PCYOX1: variants seen among roughly 807,000 people sequenced by gnomAD.
The protein encoded by PCYOX1 is prenylcysteine lyase.
PCYOX1 carries 46 observed loss-of-function variants against 46.4 expected under a neutral mutation model. The observed-to-expected ratio is 0.99, with a 90% CI of 0.78 to 1.27. The LOEUF (loss-of-function observed/expected upper bound fraction) is 1.27. PCYOX1 is among the 50% of genes most tolerant of loss of function. The pLI is 0.00. For missense variants in PCYOX1, 658 were observed against 628.3 expected, an observed-to-expected ratio of 1.05 and a Z score of -0.51; for synonymous variants, 220 against 231.8, an observed-to-expected ratio of 0.95 and a Z score of 0.46.
Position 70,277,578 on chromosome 2 carries a change from T to TA in PCYOX1, c.*187dup, listed in dbSNP as rs542806446. On this transcript the variant is annotated 3_prime_UTR_variant, in exon 6 of 6. Coordinates refer to ENST00000433351, the MANE Select transcript of PCYOX1 (RefSeq NM_016297.4). Reference sequence around the variant, plus strand: ...AGTGTGAAGGTATAGCTATTGCACTTATGCCATCTCCAAAATTTCTTAAGT... The same window carrying TA: ...AGTGTGAAGGTATAGCTATTGCACTTAATGCCATCTCCAAAATTTCTTAAGT... 1,984 of 517,908 alleles carry TA rather than the reference T, an allele frequency of 3.8e-3. 13 individuals carry two copies. The highest frequency in any genetic ancestry group is 0.032 in the Middle Eastern group (66 of 2,040). The allele number at this position is 517,908 out of a possible 1,614,324, so 32.1% of individuals were successfully genotyped here. A position where few individuals can be genotyped will look rare whatever the true frequency, so the allele number is the denominator to read the frequency against.
In PCYOX1 at chr2:70,278,530, A is replaced by C. The variant is rs1305811709; in HGVS notation, c.*1138A>C. 6.6e-6 allele frequency: 1 copy of C among 152,334 alleles called. No individual in the cohort carries two copies. The highest frequency in any genetic ancestry group is 1.5e-5 in the Non-Finnish European group (1 of 68,038). 9.4% of individuals were successfully genotyped at this position (152,334 alleles called of 1,614,324 possible). On this transcript the variant is annotated 3_prime_UTR_variant, in exon 6 of 6. Transcript: ENST00000433351. ...GCCTAACAGCAGAGGCAACTTAAAT[A>C]ACTCCTGAGCAGTTGGCACTAGAAC...
chr2:70,277,300 A>G lies in PCYOX1; in HGVS notation c.1426A>G (p.Asn476Asp). The G allele has an allele frequency of 1.2e-6, 2 of 1,613,548 alleles. No homozygotes were observed. The highest frequency in any genetic ancestry group is 1.7e-6 in the Non-Finnish European group (2 of 1,179,486). Reference sequence around the variant, plus strand: ...GGAGATGAGTGCCATTGCAGCCCACAACGCTGCACTCCTTGCCTATCACCG... The same window carrying G: ...GGAGATGAGTGCCATTGCAGCCCACGACGCTGCACTCCTTGCCTATCACCG... ...AMEMSAIAAH[N>D]AALLAYHRWN... The change falls in exon 6 of 6, where the codon AAC becomes GAC. Residue 476 changes from asparagine (N) to aspartate (D), a missense_variant. Transcript: ENST00000433351.
intron 1 of PCYOX1, 167 bp downstream of exon 1, chr2:70,258,443 G>C (rs1293829172): frequency 3.9e-6 from 2 of 515,530 alleles, no homozygotes; most frequent in Non-Finnish European, 6.8e-6. Context: ...GCGGCTTTCA[G>C]CTCTGGTCGG....
intron 3 of PCYOX1, among the ~76,000 whole-genome samples, chr2:70,264,992 A>G (rs985403092): frequency 1.3e-5 from 2 of 152,034 alleles, no homozygotes; most frequent in African/African-American, 2.4e-5. Flanking sequence ...AGAAAGACCT[A>G]TGTAACAGTA....
At chr2:70,263,767 C>A (rs949828123) in intron 3 of PCYOX1, among the ~76,000 whole-genome samples, 1 of 149,044 alleles carries the variant, frequency 6.7e-6, no homozygotes, top group Non-Finnish European at 1.5e-5. Flanking sequence ...TCAAGTGATT[C>A]TCCTGCCTCA....
In PCYOX1 at chr2:70,277,341, A is replaced by G. The variant is rs1311709006; in HGVS notation, c.1467A>G (p.Thr489=). 1.2e-6 allele frequency: 2 copies of G among 1,613,364 alleles called. No homozygotes were observed. Among genetic ancestry groups the G allele is most frequent in the African/African-American group, 2.7e-5 (2 of 74,934 alleles). ...CCTATCACCGCTGGAACGGGCACACAGACATGATTGATCAGGATGGCTTAT... is the reference window on the plus strand; with the variant it reads ...CCTATCACCGCTGGAACGGGCACACGGACATGATTGATCAGGATGGCTTAT... The part of the protein sequence containing the change: ...LLAYHRWNGH[T]DMIDQDGLYE... Residue 489 remains threonine, a synonymous_variant, in exon 6 of 6, where the codon ACA becomes ACG. Transcript: ENST00000433351.
At position 70,258,201 on chromosome 2, in the gene PCYOX1, C is replaced by G. The variant is rs1696375536; in HGVS notation, c.37C>G (p.Leu13Val). 1.3e-6 allele frequency: 2 copies of G among 1,599,612 alleles called. No homozygotes were observed. The highest frequency in any genetic ancestry group is 2.2e-5 in the South Asian group (2 of 90,656). Residue 13 changes from leucine (L) to valine (V), a missense_variant, in exon 1 of 6, where the codon CTG (leucine) becomes GTG (valine). Leu to Val is a conservative substitution (Grantham distance 32). Transcript: ENST00000433351. ...CGTCGCGGAGCTCGTCTCCTCGCTG[C>G]TGGGGTTGTGGCTGTTGCTGTGCAG... is the stretch of plus-strand genomic sequence containing the variant. ...RVVAELVSSL[L>V]GLWLLLCSCG...
rs1242119690 is a variant in PCYOX1 at position 70,278,465 on chromosome 2, G to A, written c.*1073G>A. The A allele has an allele frequency of 1.3e-5, 2 of 152,586 alleles. No individual in the cohort carries two copies. The highest frequency in any genetic ancestry group is 2.4e-5 in the African/African-American group (1 of 41,442). The allele number at this position is 152,586 out of a possible 1,614,324, so 9.5% of individuals were successfully genotyped here. A position where few individuals can be genotyped will look rare whatever the true frequency, so the allele number is the denominator to read the frequency against. On this transcript the variant is annotated 3_prime_UTR_variant, in exon 6 of 6. Coordinates refer to ENST00000433351, the MANE Select transcript of PCYOX1 (RefSeq NM_016297.4). ...TTTTAGAACTTTCTCAGTTCTCTTA[G>A]TAAGAACTTTAGAAGTAATCTTGAT...
intron 2 of PCYOX1, among the ~76,000 whole-genome samples, chr2:70,260,476 A>G (rs942468861): frequency 1.3e-5 from 2 of 152,216 alleles, no homozygotes; most frequent in Non-Finnish European, 2.9e-5. Flanking sequence ...CCTGGGAGAT[A>G]GAAGCTGCAG....
chr2:70,258,046 CCTGGGCGGGGCTCGCAGGGG>C (rs1428266299), upstream of PCYOX1: 19 of 741,156 alleles, frequency 2.6e-5, no homozygotes, highest in Non-Finnish European at 3.4e-5. Context: ...GCTCGCAGGA[CCTGGGCGGGGCTCGCAGGGG>C]CTGGGCGGCC....
In PCYOX1 at chr2:70,280,574, A is replaced by G. The variant is rs1031594053; in HGVS notation, c.*3182A>G. ...AGTTCCCCAGTGATGCTGCTGTTCT[A>G]CTATAGGAACCACACTTGAAGAACT... On this transcript the variant is annotated 3_prime_UTR_variant, in exon 6 of 6. Transcript: ENST00000433351. 6.6e-6 allele frequency: 1 copy of G among 152,186 alleles called. No individual in the cohort carries two copies. The highest frequency in any genetic ancestry group is 1.5e-5 in the Non-Finnish European group (1 of 68,038). The allele number at this position is 152,186 out of a possible 1,614,324, so 9.4% of individuals were successfully genotyped here.
chr2:70,270,016 C>T (rs184154009), intron 3 of PCYOX1, among the ~76,000 whole-genome samples: 3 of 151,778 alleles, frequency 2.0e-5, no homozygotes, highest in Admixed American at 6.6e-5. Flanking sequence ...TTTCTTTCGA[C>T]GGAGTCTCCC....
At position 70,276,912 on chromosome 2, in the gene PCYOX1, TTTAG is replaced by T; in HGVS notation, c.1042_1045del (p.Val348ArgfsTer4). ...AATATTATCAACATATAGTGACAAC[TTTAG>T]TTAAGGGGGAATTGAATACATCTAT... On this transcript the variant is annotated frameshift_variant, in exon 6 of 6. Coordinates refer to ENST00000433351, the MANE Select transcript of PCYOX1 (RefSeq NM_016297.4). LOFTEE classifies it high-confidence loss of function. 1.2e-6 allele frequency: 2 copies of T among 1,612,850 alleles called. No homozygotes were observed. Among genetic ancestry groups the T allele is most frequent in the South Asian group, 2.2e-5 (2 of 91,036 alleles).
chr2:70,265,628 A>G (rs754486174), intron 3 of PCYOX1, among the ~76,000 whole-genome samples: 24 of 152,152 alleles, frequency 1.6e-4, no homozygotes, highest in African/African-American at 5.1e-4. Context: ...CTTGTGTTCT[A>G]TGCTACGCAC....
intron 2 of PCYOX1, among the ~76,000 whole-genome samples, chr2:70,259,877 G>T (rs1392183723): frequency 6.6e-6 from 1 of 152,040 alleles, no homozygotes; most frequent in Non-Finnish European, 1.5e-5. Context: ...GTGCAATGGT[G>T]CGATCTTGGC....
intron 3 of PCYOX1, among the ~76,000 whole-genome samples, chr2:70,265,122 C>A (rs183311017): frequency 1.5e-3 from 234 of 151,938 alleles, no homozygotes; most frequent in Middle Eastern, 3.4e-3. Flanking sequence ...CCCCTGACAT[C>A]AGCACTAGCT....
intron 3 of PCYOX1, among the ~76,000 whole-genome samples, chr2:70,263,956 G>A (rs1696475572): frequency 7.3e-6 from 1 of 137,568 alleles, no homozygotes; most frequent in Non-Finnish European, 1.6e-5. Flanking sequence ...ACTGTGCCCG[G>A]CCCTCTTTTT....
chr2:70,262,197 C>T (rs143618441), intron 3 of PCYOX1, among the ~76,000 whole-genome samples: 2 of 151,754 alleles, frequency 1.3e-5, no homozygotes, highest in African/African-American at 2.4e-5. Context: ...GATGGAGTTT[C>T]GCTTGTTGCC....
intron 3 of PCYOX1, among the ~76,000 whole-genome samples, chr2:70,265,198 A>ATT (rs397871875): frequency 1.6e-4 from 17 of 104,074 alleles, no homozygotes; most frequent in East Asian, 1.1e-3. Flanking sequence ...TTCTTAACTA[A>ATT]TTTTTTTTTT....
Sources: allele counts gnomAD v4.1 joint callset (sites outside exome capture counted in the v4.1 genomes callset), GRCh38; gene constraint gnomAD v4.1.1; transcripts MANE v1.5; gene names NCBI Gene and HGNC (gene_info 2026-07-23, HGNC 2026-07-21).